The following NPAS1 variants were observed in gnomAD, a reference collection of about 807,000 sequenced individuals.
NPAS1 encodes neuronal PAS domain-containing protein 1.
A neutral mutation model predicts 49.2 loss-of-function variants in NPAS1; 29 were observed. That is an observed-to-expected ratio of 0.59 (90% CI 0.44 to 0.80). The LOEUF (loss-of-function observed/expected upper bound fraction) is 0.80. Among genes scored for constraint, NPAS1 ranks in the 30% least tolerant of loss-of-function variants. The pLI is 0.00. For synonymous variants in NPAS1, 408 were observed against 380.4 expected (o/e 1.07, Z -0.84); for missense variants, 825 against 835.5 (o/e 0.99, Z 0.15).
intron 10 of NPAS1, among the ~76,000 whole-genome samples, chr19:47,042,012 A>T (rs2057027653): frequency 1.1e-5 from 1 of 87,488 alleles, no homozygotes; most frequent in Admixed American, 1.3e-4. Context: ...AAAAAAGGAA[A>T]AAACACCCTT....
intron 1 of NPAS1, 146 bp from the exon 2 acceptor site, chr19:47,020,860 G>A: frequency 2.3e-6 from 1 of 440,496 alleles, no homozygotes. Flanking sequence ...GGGAGCTGAG[G>A]CCTCCAGGTA....
chr19:47,023,234 G>T (rs1236270810), intron 3 of NPAS1, among the ~76,000 whole-genome samples: 1 of 151,918 alleles, frequency 6.6e-6, no homozygotes, highest in Non-Finnish European at 1.5e-5. Flanking sequence ...GCCGGCGGGG[G>T]ATAAACATCT....
At chr19:47,035,769 G>T in intron 5 of NPAS1, 195 bp from the exon 6 acceptor site, 2 of 577,744 alleles carry the variant, frequency 3.5e-6, no homozygotes, top group Non-Finnish European at 2.9e-6. Context: ...CACTGGGTAT[G>T]AAGCGAGAAG....
chr19:47,036,731 AAATT>A (rs1395497369), intron 6 of NPAS1, among the ~76,000 whole-genome samples: 6 of 150,546 alleles, frequency 4.0e-5, no homozygotes, highest in Admixed American at 2.6e-4. Context: ...AAAAAAAAAA[AAATT>A]AGCTGGGTAT....
chr19:47,022,165 C>G (rs570192263), intron 3 of NPAS1, among the ~76,000 whole-genome samples: 2 of 152,340 alleles, frequency 1.3e-5, no homozygotes, highest in Admixed American at 6.5e-5. Context: ...AAACTCCCAG[C>G]TGCATGAGCG....
intron 6 of NPAS1, among the ~76,000 whole-genome samples, chr19:47,036,646 T>G (rs1187597087): frequency 5.5e-5 from 8 of 144,822 alleles, no homozygotes; most frequent in African/African-American, 1.3e-4. Context: ...CCGAGGCGGG[T>G]GGGTCACCTA....
At chr19:47,038,697 T>C (rs1408431392) in intron 6 of NPAS1, among the ~76,000 whole-genome samples, 1 of 151,956 alleles carries the variant, frequency 6.6e-6, no homozygotes, top group African/African-American at 2.4e-5. Flanking sequence ...CATGGTAGCA[T>C]GTGCCTGTAA....
At position 47,041,077 on chromosome 19, in the gene NPAS1, G is replaced by C. The variant is rs2057016504; in HGVS notation, c.1169G>C (p.Gly390Ala). Residue 390 changes from glycine (G) to alanine (A), a missense_variant, in exon 10 of 12, where the codon GGG becomes GCG. Coordinates refer to ENST00000602212, the MANE Select transcript of NPAS1 (RefSeq NM_002517.4). ...LQSVATVAGS[G>A]KSPGEHHVLW... ...TCTGTGGCCACAGTGGCTGGGAGCGGGAAGAGCCCCGGGGAGCACCATGTG... is the reference window on the plus strand; with the variant it reads ...TCTGTGGCCACAGTGGCTGGGAGCGCGAAGAGCCCCGGGGAGCACCATGTG... 1 of 1,597,494 alleles carries C rather than the reference G, an allele frequency of 6.3e-7. No homozygotes were observed. The highest frequency in any genetic ancestry group is 8.5e-7 in the Non-Finnish European group (1 of 1,174,860).
chr19:47,039,378 C>T (rs1457129756), intron 7 of NPAS1, 29 bp from the exon 8 acceptor site: 1 of 1,610,366 alleles, frequency 6.2e-7, no homozygotes, highest in Non-Finnish European at 8.5e-7. Flanking sequence ...CCGCCTTGTC[C>T]CTCCTCCAAC....
intron 5 of NPAS1, 39 bp from the exon 6 acceptor site, chr19:47,035,925 A>T (rs914591207): frequency 1.4e-6 from 2 of 1,474,250 alleles, no homozygotes; most frequent in Non-Finnish European, 9.0e-7. Flanking sequence ...CTGCGCGCGC[A>T]CCTCACCCGC....
At chr19:47,040,850 TTCTCCCCACCG>T (rs1331287996) in intron 9 of NPAS1, 117 bp from the exon 10 acceptor site, 3 of 781,972 alleles carry the variant, frequency 3.8e-6, no homozygotes, top group Admixed American at 3.1e-5. Flanking sequence ...CCTTTTTCTC[TTCTCCCCACCG>T]TCTCCCTGCC....
Position 47,035,856 on chromosome 19 carries a change from G to A in NPAS1, c.523-108G>A, listed in dbSNP as rs1026651583. The A allele has an allele frequency of 7.8e-6, 9 of 1,152,992 alleles. No homozygotes were observed. The Admixed American group carries it at 2.8e-4, about 36-fold the overall frequency. The allele number at this position is 1,152,992 out of a possible 1,614,324, so 71.4% of individuals were successfully genotyped here. A position where few individuals can be genotyped will look rare whatever the true frequency, so the allele number is the denominator to read the frequency against. On this transcript the variant is annotated intron_variant, in intron 5 of 11. Transcript: ENST00000602212. The stretch of plus-strand genomic sequence containing the variant: ...TTTTCTTAAAAAAACACACTGGCAT[G>A]AAGCGCACCTGCGTGCAGGCAAATG...
rs572950691 is a variant in NPAS1, at chr19:47,027,462, T to C, written c.359-4816T>C. ...GTCTCCCTTCTCTCTGCCCCTGGTC[T>C]CCCGTCTCTCTGCCCCTGGTCTCCC... On this transcript the variant is annotated intron_variant, in intron 3 of 11. Transcript: ENST00000602212. 2.8e-3 allele frequency among the ~76,000 whole-genome samples: 299 copies of C among 107,496 alleles called. 11 individuals are homozygous for C. The highest frequency in any genetic ancestry group is 0.011 in the African/African-American group (289 of 26,176). 70.5% of individuals were successfully genotyped at this position (107,496 alleles called of 152,430 possible).
rs1226408607 is a variant in NPAS1 at position 47,021,530 on chromosome 19, C to A, written c.123-82C>A. ...AACGTCCCGTCCCGTTCCCAAGGCC[C>A]CGGGAGGCGGGGCTCGCCCCCAGTT... On this transcript the variant is annotated intron_variant, in intron 2 of 11. Coordinates refer to ENST00000602212, the MANE Select transcript of NPAS1 (RefSeq NM_002517.4). The surrounding 1 kb of genome is among the most constrained non-coding windows in gnomAD (Gnocchi z 5.7). 2.1e-6 allele frequency: 2 copies of A among 960,112 alleles called. No homozygotes were observed. The highest frequency in any genetic ancestry group is 3.5e-5 in the African/African-American group (2 of 57,098). 59.5% of individuals were successfully genotyped at this position (960,112 alleles called of 1,614,324 possible). A position where few individuals can be genotyped will look rare whatever the true frequency, so the allele number is the denominator to read the frequency against.
chr19:47,021,037 G>A lies in NPAS1; in HGVS notation c.-11G>A, dbSNP rs1568498794. The A allele has an allele frequency of 2.5e-6, 4 of 1,596,868 alleles. No homozygotes were observed. The African/African-American group carries it at 5.4e-5, about 22-fold the overall frequency. Reference sequence around the variant, plus strand: ...CGGGGCTCGGAGCCCGCCTGAGCGAGCCCCCCGGAGATGGCGGCCCCCTAT... The same window carrying A: ...CGGGGCTCGGAGCCCGCCTGAGCGAACCCCCCGGAGATGGCGGCCCCCTAT... On this transcript the variant is annotated 5_prime_UTR_variant, in exon 2 of 12. Coordinates refer to ENST00000602212, the MANE Select transcript of NPAS1 (RefSeq NM_002517.4). The surrounding 1 kb of genome is among the most constrained non-coding windows in gnomAD (Gnocchi z 5.7).
Position 47,045,453 on chromosome 19 carries a change from C to A in NPAS1, c.1575C>A (p.His525Gln). The part of the protein sequence containing the change: ...PPGDPPPTLL[H>Q]AGFLPPVVRG... ...GGGACCCCCCGCCCACCCTCCTGCACGCGGGCTTCCTGCCGCCGGTGGTGC... is the reference window on the plus strand; with the variant it reads ...GGGACCCCCCGCCCACCCTCCTGCAAGCGGGCTTCCTGCCGCCGGTGGTGC... The change falls in exon 12 of 12, where the codon CAC becomes CAA. Residue 525 changes from histidine (H) to glutamine (Q), a missense_variant. Physicochemically the swap from His to Gln is conservative, Grantham distance 24. Transcript: ENST00000602212. 3.1e-6 allele frequency: 5 copies of A among 1,593,622 alleles called. No homozygotes were observed. Among genetic ancestry groups the A allele is most frequent in the Non-Finnish European group, 4.3e-6 (5 of 1,172,238 alleles).
At chr19:47,032,414 A>G in intron 4 of NPAS1, 63 bp downstream of exon 4, 2 of 1,536,200 alleles carry the variant, frequency 1.3e-6, no homozygotes, top group Non-Finnish European at 1.8e-6. Flanking sequence ...CCTCTGGAGA[A>G]CAGCAGCCTC....
Position 47,021,508 on chromosome 19 carries a change from G to C in NPAS1, c.123-104G>C, listed in dbSNP as rs1451895536. 6.7e-6 allele frequency: 5 copies of C among 749,262 alleles called. No individual in the cohort carries two copies. The Admixed American group carries it at 1.7e-4, about 25-fold the overall frequency. 46.4% of individuals were successfully genotyped at this position (749,262 alleles called of 1,614,324 possible). A position where few individuals can be genotyped will look rare whatever the true frequency, so the allele number is the denominator to read the frequency against. On this transcript the variant is annotated intron_variant, in intron 2 of 11. Coordinates refer to ENST00000602212, the MANE Select transcript of NPAS1 (RefSeq NM_002517.4). The surrounding 1 kb of genome is among the most constrained non-coding windows in gnomAD (Gnocchi z 5.7). ...CAGAGATGTGGAATCCACTCCCAAC[G>C]TCCCGTCCCGTTCCCAAGGCCCCGG...
Position 47,041,048 on chromosome 19 carries a change from G to A in NPAS1, c.1140G>A (p.Leu380=). The change falls in exon 10 of 12, where the codon CTG becomes CTA. Residue 380 remains leucine, a synonymous_variant. Transcript: ENST00000602212. ...AGCGTGCCGGGGGCTTCGTGTGGCTGCAGTCTGTGGCCACAGTGGCTGGGA... is the reference window on the plus strand; with the variant it reads ...AGCGTGCCGGGGGCTTCGTGTGGCTACAGTCTGTGGCCACAGTGGCTGGGA... ...WLQRAGGFVW[L]QSVATVAGSG... 2 of 1,586,806 alleles carry A rather than the reference G, an allele frequency of 1.3e-6. No homozygotes were observed. Among genetic ancestry groups the A allele is most frequent in the Non-Finnish European group, 8.6e-7 (1 of 1,169,242 alleles).
Sources: allele counts gnomAD v4.1 joint callset (sites outside exome capture counted in the v4.1 genomes callset), GRCh38; gene constraint gnomAD v4.1.1; non-coding constraint Gnocchi (gnomAD v3.1); transcripts MANE v1.5; gene names NCBI Gene and HGNC (gene_info 2026-07-23, HGNC 2026-07-21).